Variants in KAZN observed in about 807,000 individuals in gnomAD.
The protein encoded by KAZN is kazrin.
KAZN carries 40 observed loss-of-function variants against 87.4 expected under a neutral mutation model. The observed-to-expected ratio is 0.46, with a 90% CI of 0.36 to 0.60. KAZN has a LOEUF of 0.60. KAZN is among the 20% of genes least tolerant of loss of function. The probability of loss-of-function intolerance (pLI) is 0.00; values close to 1 mark genes in which losing one functional copy is unlikely to be tolerated. For synonymous variants in KAZN, 466 were observed against 458.3 expected, an observed-to-expected ratio of 1.02 and a Z score of -0.22; for missense variants, 898 against 1,073.9, an observed-to-expected ratio of 0.84 and a Z score of 2.29.
chr1:14,021,869 A>G (rs1640840393), intron 1 of KAZN, among the ~76,000 whole-genome samples: 1 of 150,754 alleles, frequency 6.6e-6, no homozygotes, highest in African/African-American at 2.4e-5. Flanking sequence ...AAAAAGAAGT[A>G]TTTGCAATTA....
chr1:14,887,626 C>A (rs1207682791), intron 1 of KAZN, among the ~76,000 whole-genome samples: 2 of 151,410 alleles, frequency 1.3e-5, no homozygotes, highest in Non-Finnish European at 2.9e-5. Context: ...AAGACTACCA[C>A]GAGGAGCCCC....
intron 2 of KAZN, among the ~76,000 whole-genome samples, chr1:14,300,677 T>C (rs1041382026): frequency 6.6e-6 from 1 of 152,228 alleles, no homozygotes; most frequent in Non-Finnish European, 1.5e-5. Context: ...CACAATGGCC[T>C]GACTGAGATA....
chr1:14,317,300 T>G (rs1208434669), intron 2 of KAZN, among the ~76,000 whole-genome samples: 1 of 151,954 alleles, frequency 6.6e-6, no homozygotes, highest in African/African-American at 2.4e-5. Flanking sequence ...TTAATATTCC[T>G]TTTTCAAAAG....
At chr1:14,749,670 A>C (rs770765255) in intron 1 of KAZN, among the ~76,000 whole-genome samples, 2 of 152,134 alleles carry the variant, frequency 1.3e-5, no homozygotes, top group Non-Finnish European at 2.9e-5. Flanking sequence ...CCCTTCTGTC[A>C]TGGTGCTCAG....
intron 1 of KAZN, chr1:14,692,493 A>C (rs1388721958): frequency 5.1e-6 from 1 of 196,414 alleles, no homozygotes; most frequent in East Asian, 1.1e-4. Flanking sequence ...CACTTCCAGC[A>C]TCACTAGTGG....
chr1:14,241,168 GGT>G (rs1648902659), intron 2 of KAZN, among the ~76,000 whole-genome samples: 1 of 152,146 alleles, frequency 6.6e-6, no homozygotes, highest in Admixed American at 6.5e-5. Context: ...AACAACCTTG[GGT>G]GGGGCAGCCT....
chr1:14,514,611 A>ATTTTTTT (rs1557770522), intron 2 of KAZN, among the ~76,000 whole-genome samples: 3 of 39,038 alleles, frequency 7.7e-5, no homozygotes, highest in Non-Finnish European at 8.7e-5. Context: ...ATATATATAT[A>ATTTTTTT]TATATATATA....
At chr1:14,786,064 T>C (rs1572478134) in intron 1 of KAZN, among the ~76,000 whole-genome samples, 1 of 152,224 alleles carries the variant, frequency 6.6e-6, no homozygotes, top group Admixed American at 6.5e-5. Context: ...CTTAGCAAAA[T>C]GCCTGGCGTC....
intron 2 of KAZN, among the ~76,000 whole-genome samples, chr1:14,428,060 C>T (rs1665840561): frequency 1.3e-5 from 2 of 152,286 alleles, no homozygotes; most frequent in African/African-American, 4.8e-5. Flanking sequence ...TAGTCACATT[C>T]TATGTAAGTC....
chr1:14,711,909 A>G (rs1403862099), intron 1 of KAZN, among the ~76,000 whole-genome samples: 3 of 152,248 alleles, frequency 2.0e-5, no homozygotes, highest in African/African-American at 4.8e-5. Flanking sequence ...GCCTCAAGCC[A>G]TTAGGACCGG....
At chr1:14,626,877 A>C (rs1679182481) in intron 1 of KAZN, among the ~76,000 whole-genome samples, 1 of 152,122 alleles carries the variant, frequency 6.6e-6, no homozygotes. Flanking sequence ...GCAAAAAAAC[A>C]TTCCACTGAT....
In KAZN at chr1:14,599,073, C is replaced by A; in HGVS notation, c.76C>A (p.Leu26Met). The A allele has an allele frequency of 6.4e-7, 1 of 1,561,610 alleles. No individual in the cohort carries two copies. The highest frequency in any genetic ancestry group is 8.6e-7 in the Non-Finnish European group (1 of 1,158,608). The change falls in exon 1 of 15, where the codon CTG becomes ATG. Residue 26 changes from leucine to methionine, a missense_variant. Physicochemically the swap from Leu to Met is conservative, Grantham distance 15 (BLOSUM62 2). Transcript: ENST00000376030. This position sits in a 1 kb window ranked among gnomAD's most constrained non-coding sequence, Gnocchi z 4.4. Reference protein sequence around the residue: ...VQSASQEVTNLRAELTATNRR... With the variant: ...VQSASQEVTNMRAELTATNRR... Reference sequence around the variant, plus strand: ...GTCGGCCAGCCAGGAGGTGACCAACCTGCGAGCCGAACTCACGGCCACCAA... The same window carrying A: ...GTCGGCCAGCCAGGAGGTGACCAACATGCGAGCCGAACTCACGGCCACCAA...
chr1:14,896,041 CTTTTTTTTTTTTTTTT>C lies in KAZN; in HGVS notation c.227-64627_227-64612del, dbSNP rs201188620. ...CAGTAAGTACAAATGAAAAAGACGC[CTTTTTTTTTTTTTTTT>C]TTTTTTTTTTTTTTTGGACACAGAT... is the stretch of plus-strand genomic sequence containing the variant. On this transcript the variant is annotated intron_variant, in intron 1 of 14. Transcript: ENST00000376030. 2.0e-3 allele frequency among the ~76,000 whole-genome samples: 287 copies of C among 140,686 alleles called. 1 individual carries two copies. The highest frequency in any genetic ancestry group is 3.2e-3 in the East Asian group (15 of 4,692). The allele number at this position is 140,686 out of a possible 152,430, so 92.3% of individuals were successfully genotyped here. A position where few individuals can be genotyped will look rare whatever the true frequency, so the allele number is the denominator to read the frequency against.
At chr1:14,490,319 C>G (rs1669578778) in intron 2 of KAZN, among the ~76,000 whole-genome samples, 3 of 152,110 alleles carry the variant, frequency 2.0e-5, no homozygotes, top group Admixed American at 2.0e-4. Context: ...TGAAGTTTGG[C>G]TTTTGAGTGT....
intron 1 of KAZN, among the ~76,000 whole-genome samples, chr1:14,765,382 G>A (rs377414524): frequency 2.6e-5 from 4 of 152,218 alleles, no homozygotes; most frequent in East Asian, 1.9e-4. Flanking sequence ...CAGCTGGCCC[G>A]GCAGCCAGGG....
At position 15,094,626 on chromosome 1, in the gene KAZN, G is replaced by A. The variant is rs1640719989; in HGVS notation, c.1429-189G>A. Among the ~76,000 whole-genome samples the A allele has an allele frequency of 6.6e-6, 1 of 152,160 alleles. No individual in the cohort carries two copies. Among genetic ancestry groups the A allele is most frequent in the Admixed American group, 6.5e-5 (1 of 15,286 alleles). On this transcript the variant is annotated intron_variant, in intron 9 of 14. Transcript: ENST00000376030. The surrounding 1 kb of genome is among the most constrained non-coding windows in gnomAD (Gnocchi z 4.5). ...TTTCCTTTACCTGCCTAAGGGAAAG[G>A]GCTCCCTCTGCCTGAACAGGGATTC... is the stretch of plus-strand genomic sequence containing the variant.
chr1:14,975,219 C>G (rs968528583), intron 2 of KAZN, among the ~76,000 whole-genome samples: 1 of 152,164 alleles, frequency 6.6e-6, no homozygotes, highest in Admixed American at 6.5e-5. Flanking sequence ...CTCCTGGGCT[C>G]GCATTCCAGG....
In KAZN at chr1:14,330,004, G is replaced by T. The variant is rs72867350; in HGVS notation, c.249+149412G>T. Among the ~76,000 whole-genome samples the T allele has an allele frequency of 2.8e-3, 432 of 152,298 alleles. 2 individuals are homozygous for T. The highest frequency in any genetic ancestry group is 9.9e-3 in the African/African-American group (411 of 41,576). On this transcript the variant is annotated intron_variant, in intron 2 of 16. Coordinates refer to the KAZN transcript ENST00000636203. ...AATCACATGCATTAATGAGGATAGG[G>T]TATTGCCAATTCAGAACACCTGGAA...
intron 2 of KAZN, among the ~76,000 whole-genome samples, chr1:14,419,553 T>A (rs1441017268): frequency 6.6e-6 from 1 of 152,194 alleles, no homozygotes; most frequent in Non-Finnish European, 1.5e-5. Flanking sequence ...GGGTTCTTGG[T>A]CTCACTGACT....
Sources: gnomAD v4.1 joint callset for allele counts (sites outside exome capture counted in the v4.1 genomes callset) on GRCh38, gnomAD v4.1.1 for gene constraint, Gnocchi (gnomAD v3.1) non-coding constraint, MANE v1.5 for transcripts, NCBI Gene and HGNC (gene_info 2026-07-23, HGNC 2026-07-21) for gene names.